The following ARL13B variants were observed in gnomAD, a reference collection of about 807,000 sequenced individuals.
ARL13B encodes ADP-ribosylation factor-like protein 13B.
In ARL13B, 36 loss-of-function variants were observed where a neutral mutation model predicts 56.1. The ratio of observed to expected loss-of-function variants is 0.64; its 90% CI spans 0.49 to 0.85. ARL13B has a LOEUF of 0.85. ARL13B is among the 40% of genes least tolerant of loss of function. ARL13B has a pLI of 0.00. For missense variants in ARL13B, 519 were observed against 507.1 expected, an observed-to-expected ratio of 1.02 and a Z score of -0.23; for synonymous variants, 178 against 171.1, an observed-to-expected ratio of 1.04 and a Z score of -0.32.
rs756723565 is a variant in ARL13B, at chr3:94,043,023, A to G, written c.807A>G (p.Gly269=). ...ATTTTATTTTTTGTTAGAATGAAGG[A>G]AAACTTGAAAGAGAGAAAAAAAACC... ...PIASVIIENE[G]KLEREKKNQK... The change falls in exon 7 of 10, where the codon GGA becomes GGG. Residue 269 remains glycine (G), a synonymous_variant. Coordinates refer to ENST00000394222, the MANE Select transcript of ARL13B (RefSeq NM_001174150.2). 18 of 1,607,442 alleles carry G rather than the reference A, an allele frequency of 1.1e-5. No individual in the cohort carries two copies. The South Asian group carries it at 1.9e-4, about 17-fold the overall frequency.
At chr3:94,002,904 T>A (rs1173540766) in intron 2 of ARL13B, among the ~76,000 whole-genome samples, 2 of 152,194 alleles carry the variant, frequency 1.3e-5, no homozygotes, top group African/African-American at 4.8e-5. Context: ...CTCTTCTGCC[T>A]GTTTAAATCC....
rs537036896 is a variant in ARL13B at position 94,023,689 on chromosome 3, T to G, written c.381-11642T>G. Reference sequence around the variant, plus strand: ...AGATCCTACGTTTAGACATATCTACTTGATTGCAAATCTGTTCTTTTTCCC... The same window carrying G: ...AGATCCTACGTTTAGACATATCTACGTGATTGCAAATCTGTTCTTTTTCCC... On this transcript the variant is annotated intron_variant, in intron 3 of 9. Coordinates refer to ENST00000394222, the MANE Select transcript of ARL13B (RefSeq NM_001174150.2). Among the ~76,000 whole-genome samples the G allele has an allele frequency of 3.9e-5, 6 of 152,330 alleles. No homozygotes were observed. In the East Asian group the frequency reaches 1.2e-3, roughly 29 times the overall value.
At chr3:94,003,577 G>C (rs1287348248) in intron 2 of ARL13B, 82 bp from the exon 3 acceptor site, 1 of 1,464,954 alleles carries the variant, frequency 6.8e-7, no homozygotes, top group African/African-American at 1.4e-5. Context: ...TATTTCACTT[G>C]GGTGCTAAAA....
chr3:94,002,172 A>G (rs987523200), intron 2 of ARL13B, among the ~76,000 whole-genome samples: 1 of 152,176 alleles, frequency 6.6e-6, no homozygotes, highest in South Asian at 2.1e-4. Flanking sequence ...GGTGTTGTTC[A>G]GTAGAACTTT....
intron 3 of ARL13B, among the ~76,000 whole-genome samples, chr3:94,017,877 A>C (rs996721987): frequency 2.0e-5 from 3 of 152,164 alleles, no homozygotes; most frequent in Non-Finnish European, 4.4e-5. Context: ...GTGAATGTAG[A>C]TAGAAAGGAA....
At chr3:93,980,726 AGTGTGTGTGTGTGTGT>A (rs35756044) in intron 1 of ARL13B, among the ~76,000 whole-genome samples, 1 of 147,066 alleles carries the variant, frequency 6.8e-6, no homozygotes, top group African/African-American at 2.5e-5. Flanking sequence ...TTTGTTAAAA[AGTGTGTGTGTGTGTGT>A]GTGTGTGTGT....
chr3:93,995,862 T>C lies in ARL13B; in HGVS notation c.60-12T>C, dbSNP rs761969491. The C allele has an allele frequency of 6.2e-7, 1 of 1,602,294 alleles. No individual in the cohort carries two copies. On this transcript the variant is annotated splice_polypyrimidine_tract_variant and intron_variant, in intron 1 of 9. Transcript: ENST00000394222. ...ACAAAGAAAGTGATTTTTAAATTTC[T>C]ATTATTTTAAGAAAGGTGACTCTTT...
intron 3 of ARL13B, among the ~76,000 whole-genome samples, chr3:94,018,434 C>T (rs1277565241): frequency 5.3e-5 from 8 of 151,880 alleles, no homozygotes; most frequent in Non-Finnish European, 1.0e-4. Flanking sequence ...TTTTTTTTCT[C>T]TTACCTTTTT....
At chr3:93,991,608 T>G (rs1462946788) in intron 1 of ARL13B, among the ~76,000 whole-genome samples, 1 of 152,182 alleles carries the variant, frequency 6.6e-6, no homozygotes, top group Admixed American at 6.5e-5. Context: ...TGGGCTTAAG[T>G]GATCCTCCTG....
intron 3 of ARL13B, among the ~76,000 whole-genome samples, chr3:94,007,947 A>C (rs1469052824): frequency 6.6e-6 from 1 of 152,176 alleles, no homozygotes; most frequent in Non-Finnish European, 1.5e-5. Flanking sequence ...GAGAAGACAG[A>C]GTCTGGAACC....
intron 8 of ARL13B, 131 bp from the exon 9 acceptor site, chr3:94,050,693 A>G (rs919139294): frequency 6.7e-6 from 5 of 745,564 alleles, no homozygotes; most frequent in African/African-American, 3.5e-5. Flanking sequence ...CTGGCTTTCC[A>G]TACTGTCATT....
chr3:94,043,390 C>G, intron 7 of ARL13B, 150 bp downstream of exon 7: 2 of 765,154 alleles, frequency 2.6e-6, no homozygotes, highest in Non-Finnish European at 2.1e-6. Flanking sequence ...TTCTCAAGGT[C>G]TTTTATTATT....
chr3:94,015,315 A>C, intron 3 of ARL13B: 6 of 1,479,860 alleles, frequency 4.1e-6, no homozygotes, highest in Non-Finnish European at 5.4e-6. Context: ...TTGAACAAGT[A>C]GAAATTTGGT....
In ARL13B at chr3:93,981,899, C is replaced by CA. The variant is rs1377650073; in HGVS notation, c.59+1420dup. On this transcript the variant is annotated intron_variant, in intron 1 of 9. Coordinates refer to ENST00000394222, the MANE Select transcript of ARL13B (RefSeq NM_001174150.2). The stretch of plus-strand genomic sequence containing the variant: ...AAAAAAAAAAAAAAAAGAAAAAAGT[C>CA]AAAGAGTTGTTTTAGGTGCATAGAT... Among the ~76,000 whole-genome samples, 10 of 142,682 alleles carry CA rather than the reference C, an allele frequency of 7.0e-5. No individual in the cohort carries two copies. In the South Asian group the frequency reaches 2.0e-3, roughly 29 times the overall value. The allele number at this position is 142,682 out of a possible 152,430, so 93.6% of individuals were successfully genotyped here. A position where few individuals can be genotyped will look rare whatever the true frequency, so the allele number is the denominator to read the frequency against.
chr3:94,005,459 G>A (rs1034640985), intron 3 of ARL13B, among the ~76,000 whole-genome samples: 5 of 152,078 alleles, frequency 3.3e-5, no homozygotes, highest in Admixed American at 2.0e-4. Flanking sequence ...GCTCAAAGTC[G>A]GGGTATACAG....
At chr3:94,051,854 C>T (rs1241406567) in intron 9 of ARL13B, among the ~76,000 whole-genome samples, 1 of 151,688 alleles carries the variant, frequency 6.6e-6, no homozygotes, top group Non-Finnish European at 1.5e-5. Flanking sequence ...TTGCTTTTTT[C>T]CCCCAGAATT....
chr3:94,045,337 A>T (rs566647437), intron 7 of ARL13B, among the ~76,000 whole-genome samples: 18 of 151,702 alleles, frequency 1.2e-4, no homozygotes, highest in Non-Finnish European at 2.5e-4. Flanking sequence ...GCCTAGGAAA[A>T]CCAGAGACCT....
intron 1 of ARL13B, among the ~76,000 whole-genome samples, chr3:93,985,617 A>G (rs987276132): frequency 1.3e-5 from 2 of 152,222 alleles, no homozygotes; most frequent in African/African-American, 4.8e-5. Context: ...TTAACCAAAA[A>G]GAAAGATATA....
intron 3 of ARL13B, among the ~76,000 whole-genome samples, chr3:94,015,652 T>C (rs909104017): frequency 2.6e-5 from 4 of 152,140 alleles, no homozygotes; most frequent in Non-Finnish European, 4.4e-5. Flanking sequence ...AAAATGCCCT[T>C]GTTACTAAAG....
Sources: gnomAD v4.1 joint callset for allele counts (sites outside exome capture counted in the v4.1 genomes callset) on GRCh38, gnomAD v4.1.1 for gene constraint, MANE v1.5 for transcripts, NCBI Gene and HGNC (gene_info 2026-07-23, HGNC 2026-07-21) for gene names.